The following SASH1 variants were observed in gnomAD, a reference collection of about 807,000 sequenced individuals.
SASH1 encodes SAM and SH3 domain-containing protein 1.
Under a neutral mutation model 125.2 loss-of-function variants are expected in SASH1, and 44 were observed. That is an observed-to-expected ratio of 0.35 (90% CI 0.28 to 0.45). The LOEUF (loss-of-function observed/expected upper bound fraction) is 0.45. Among genes scored for constraint, SASH1 ranks in the 20% least tolerant of loss-of-function variants. The pLI is 1.00. For missense variants in SASH1, 1,426 were observed against 1,614.5 expected (o/e 0.88, Z 2.00); for synonymous variants, 639 against 649.1 (o/e 0.98, Z 0.24).
intron 4 of SASH1, among the ~76,000 whole-genome samples, chr6:148,463,539 C>A (rs1777711840): frequency 6.6e-6 from 1 of 152,182 alleles, no homozygotes; most frequent in Non-Finnish European, 1.5e-5. Flanking sequence ...GCTGCTCCTC[C>A]TAAGTCTCAT....
At chr6:148,227,654 C>T in the SASH1 span, among the ~76,000 whole-genome samples, 1 of 152,128 alleles carries the variant, frequency 6.6e-6, no homozygotes, top group Non-Finnish European at 1.5e-5. Context: ...AGCCATCATA[C>T]CCAGCCAGGA....
intron 5 of SASH1, 29 bp from the exon 6 acceptor site, chr6:148,471,383 GTTCTT>G (rs1562439243): frequency 4.1e-6 from 3 of 736,256 alleles, no homozygotes; most frequent in African/African-American, 4.5e-5. Flanking sequence ...TGTGCTTTTT[GTTCTT>G]TTTTTTTTTT....
the SASH1 span, among the ~76,000 whole-genome samples, chr6:148,243,041 T>C: frequency 6.6e-6 from 1 of 152,132 alleles, no homozygotes; most frequent in East Asian, 1.9e-4. Flanking sequence ...GTTGGGTAGG[T>C]ACAGTGGCTC....
At chr6:148,314,365 A>G (rs893243878) in intron 1 of SASH1, among the ~76,000 whole-genome samples, 3 of 152,228 alleles carry the variant, frequency 2.0e-5, no homozygotes, top group Non-Finnish European at 2.9e-5. Flanking sequence ...TGATCAATTG[A>G]GAAATGGCCC....
upstream of SASH1, among the ~76,000 whole-genome samples, chr6:148,342,186 C>T (rs776641399): frequency 6.6e-6 from 1 of 152,192 alleles, no homozygotes; most frequent in Non-Finnish European, 1.5e-5. Context: ...CAAAATGCCC[C>T]CACTCATAAA....
Position 148,544,835 on chromosome 6 carries a change from G to A in SASH1, c.3348+17G>A. ...TCTGATAAGGTATCAAAGGTCCTGG[G>A]CCCACCACGTTCACAGGCCTTTGTT... On this transcript the variant is annotated intron_variant, in intron 18 of 19. Transcript: ENST00000367467. This position sits in a 1 kb window ranked among gnomAD's most constrained non-coding sequence, Gnocchi z 6.4. 3.9e-6 allele frequency: 6 copies of A among 1,552,344 alleles called. No homozygotes were observed. The highest frequency in any genetic ancestry group is 5.2e-6 in the Non-Finnish European group (6 of 1,147,692).
rs1780696203 is a variant in SASH1, at chr6:148,519,862, T to G, written c.1178T>G (p.Met393Arg). 1.9e-6 allele frequency: 3 copies of G among 1,595,894 alleles called. No homozygotes were observed. Among genetic ancestry groups the G allele is most frequent in the African/African-American group, 1.3e-5 (1 of 74,300 alleles). ...KVSRSLTEGE[M>R]KKGLGSLSHG... Reference sequence around the variant, plus strand: ...TCCCGCTCCCTCACCGAGGGGGAGATGAAGAAGGGTCTCGGGTCCCTAAGC... The same window carrying G: ...TCCCGCTCCCTCACCGAGGGGGAGAGGAAGAAGGGTCTCGGGTCCCTAAGC... Residue 393 changes from methionine (M) to arginine (R), a missense_variant, in exon 10 of 20, where the codon ATG becomes AGG. Transcript: ENST00000367467. This position sits in a 1 kb window ranked among gnomAD's most constrained non-coding sequence, Gnocchi z 4.8.
intron 1 of SASH1, among the ~76,000 whole-genome samples, chr6:148,344,221 A>T (rs1781443417): frequency 6.6e-6 from 1 of 152,216 alleles, no homozygotes; most frequent in African/African-American, 2.4e-5. Context: ...GATCTTGGCC[A>T]AGTCATTCAA....
chr6:148,540,063 C>T (rs979578787), intron 16 of SASH1, among the ~76,000 whole-genome samples: 2 of 152,106 alleles, frequency 1.3e-5, no homozygotes, highest in Admixed American at 6.5e-5. Flanking sequence ...GTGAATGGGG[C>T]GTTTATTCTT....
At chr6:148,419,323 T>C (rs1215944390) in intron 2 of SASH1, among the ~76,000 whole-genome samples, 3 of 152,236 alleles carry the variant, frequency 2.0e-5, no homozygotes, top group African/African-American at 7.2e-5. Context: ...ATTCTCTTTA[T>C]GTTTTATAGA....
At chr6:148,524,114 TA>T (rs1204226077) in intron 10 of SASH1, among the ~76,000 whole-genome samples, 17,367 of 85,448 alleles carry the variant, frequency 0.2, 1,244 homozygotes, top group East Asian at 0.33. Flanking sequence ...TATATATATA[TA>T]TATATATTTT....
Position 148,519,619 on chromosome 6 carries a change from A to G in SASH1, c.935A>G (p.Lys312Arg), listed in dbSNP as rs1341297869. ...ERSALYSGVH[K>R]KPLFFDGSPE... Reference sequence around the variant, plus strand: ...TCCGCCCTCTACTCTGGCGTGCACAAGAAGCCCCTTTTCTTTGATGGCTCT... The same window carrying G: ...TCCGCCCTCTACTCTGGCGTGCACAGGAAGCCCCTTTTCTTTGATGGCTCT... Residue 312 changes from lysine (K) to arginine (R), a missense_variant, in exon 10 of 20, where the codon AAG (lysine) becomes AGG (arginine). Physicochemically the swap from Lys to Arg is conservative, Grantham distance 26. Transcript: ENST00000367467. The surrounding 1 kb of genome is among the most constrained non-coding windows in gnomAD (Gnocchi z 4.8). The G allele has an allele frequency of 1.2e-6, 2 of 1,614,172 alleles. No individual in the cohort carries two copies. Among genetic ancestry groups the G allele is most frequent in the South Asian group, 2.2e-5 (2 of 91,084 alleles).
At chr6:148,266,383 G>C in the SASH1 span, among the ~76,000 whole-genome samples, 1 of 152,184 alleles carries the variant, frequency 6.6e-6, no homozygotes, top group Admixed American at 6.5e-5. Context: ...ATAGGAATAT[G>C]ACCCTTAGCA....
the SASH1 span, among the ~76,000 whole-genome samples, chr6:148,199,539 A>T: frequency 1.3e-5 from 2 of 152,194 alleles, no homozygotes; most frequent in Non-Finnish European, 2.9e-5. Flanking sequence ...CTCTATAAAA[A>T]GTTTAAAAAT....
At position 148,440,180 on chromosome 6, in the gene SASH1, T is replaced by G. The variant is rs748406478; in HGVS notation, c.286-4T>G. 1.2e-5 allele frequency: 19 copies of G among 1,614,112 alleles called. No individual in the cohort carries two copies. The highest frequency in any genetic ancestry group is 1.6e-5 in the Non-Finnish European group (19 of 1,179,962). ...CCGTTAAACTGGCATCTGTTCTGTT[T>G]TAGGAGAAACCCGATGCTAGCCCCA... On this transcript the variant is annotated splice_region_variant and splice_polypyrimidine_tract_variant and intron_variant, in intron 2 of 19. Transcript: ENST00000367467.
chr6:148,388,793 G>A (rs116385224), intron 1 of SASH1, among the ~76,000 whole-genome samples: 109 of 152,360 alleles, frequency 7.2e-4, no homozygotes, highest in African/African-American at 2.6e-3. Flanking sequence ...TTAGGCGTGT[G>A]TTGCTATGGG....
At chr6:148,301,787 G>A (rs1224083246) in intron 1 of SASH1, among the ~76,000 whole-genome samples, 1 of 141,870 alleles carries the variant, frequency 7.0e-6, no homozygotes, top group Non-Finnish European at 1.5e-5. Context: ...TAGAGATGGG[G>A]TCTTGCTATG....
At chr6:148,387,830 C>A (rs979939693) in intron 1 of SASH1, among the ~76,000 whole-genome samples, 1 of 150,924 alleles carries the variant, frequency 6.6e-6, no homozygotes, top group Non-Finnish European at 1.5e-5. Context: ...CCTTTGCCTC[C>A]CAGGCTCAGG....
intron 17 of SASH1, among the ~76,000 whole-genome samples, chr6:148,541,758 C>T (rs1451303357): frequency 6.6e-6 from 1 of 152,092 alleles, no homozygotes; most frequent in Non-Finnish European, 1.5e-5. Context: ...CCTCTGGGCA[C>T]CTTGTTTGCC....
Sources: gnomAD v4.1 joint callset for allele counts (sites outside exome capture counted in the v4.1 genomes callset) on GRCh38, gnomAD v4.1.1 for gene constraint, Gnocchi (gnomAD v3.1) non-coding constraint, MANE v1.5 for transcripts, NCBI Gene and HGNC (gene_info 2026-07-23, HGNC 2026-07-21) for gene names.